PPP1R42: variants seen among roughly 807,000 people sequenced by gnomAD.
PPP1R42 encodes leucine rich repeat containing 67.
Under a neutral mutation model 31.0 loss-of-function variants are expected in PPP1R42, and 34 were observed. That is an observed-to-expected ratio of 1.10 (90% CI 0.83 to 1.46). The LOEUF is 1.46. Among genes scored for constraint, PPP1R42 ranks in the 40% most tolerant of loss-of-function variants. PPP1R42 has a pLI of 0.00. For synonymous variants in PPP1R42, 103 were observed against 109.8 expected (o/e 0.94, Z 0.39); for missense variants, 268 against 303.0 (o/e 0.88, Z 0.86).
chr8:66,980,169 A>T (rs7816294), intron 7 of PPP1R42, among the ~76,000 whole-genome samples: 10 of 152,104 alleles, frequency 6.6e-5, no homozygotes, highest in African/African-American at 2.4e-4. Context: ...ACTGTAATAT[A>T]CTCATGAGTA....
At chr8:66,970,697 C>T in intron 7 of PPP1R42, 1 of 404,242 alleles carries the variant, frequency 2.5e-6, no homozygotes, top group Middle Eastern at 3.9e-4. Flanking sequence ...ACATCTTTAC[C>T]TACTGCCTCT....
chr8:66,970,949 A>T (rs1814522866), intron 7 of PPP1R42: 1 of 1,456,320 alleles, frequency 6.9e-7, no homozygotes, highest in Non-Finnish European at 9.3e-7. Context: ...CACCAAAAAG[A>T]TAAAGTCACA....
intron 6 of PPP1R42, chr8:66,985,732 G>T: frequency 7.7e-7 from 1 of 1,295,382 alleles, no homozygotes; most frequent in Non-Finnish European, 1.1e-6. Context: ...CTGAGGTGTA[G>T]GGGGGCTAAT....
chr8:66,996,817 C>T (rs989385731), intron 5 of PPP1R42, among the ~76,000 whole-genome samples: 1 of 152,058 alleles, frequency 6.6e-6, no homozygotes, highest in Non-Finnish European at 1.5e-5. Context: ...TCCAGTTGTT[C>T]CACCATTTGT....
At chr8:66,990,892 T>G (rs1221784037) in intron 5 of PPP1R42, among the ~76,000 whole-genome samples, 2 of 152,168 alleles carry the variant, frequency 1.3e-5, no homozygotes, top group Admixed American at 6.5e-5. Flanking sequence ...CTTGTCAGGA[T>G]CAATATTGAG....
At chr8:66,982,274 T>C in intron 6 of PPP1R42, 94 bp from the exon 7 acceptor site, 1 of 526,180 alleles carries the variant, frequency 1.9e-6, no homozygotes. Context: ...GAAACTTAAG[T>C]TACACCATAG....
intron 6 of PPP1R42, chr8:66,985,898 T>C (rs1814995096): frequency 1.1e-5 from 10 of 937,276 alleles, no homozygotes; most frequent in Admixed American, 3.9e-5. Context: ...TATTTGCTGC[T>C]TCTTTACTCC....
At chr8:67,002,741 T>G (rs1485832891) in intron 5 of PPP1R42, among the ~76,000 whole-genome samples, 3 of 142,056 alleles carry the variant, frequency 2.1e-5, no homozygotes, top group East Asian at 2.0e-4. Context: ...TTTTTCAGTG[T>G]TTTTTTTTTT....
intron 2 of PPP1R42, among the ~76,000 whole-genome samples, chr8:67,015,598 CTTTTT>C (rs375638249): frequency 7.4e-6 from 1 of 135,472 alleles, no homozygotes; most frequent in Non-Finnish European, 1.6e-5. Flanking sequence ...ACATCAATTA[CTTTTT>C]TTTTTTTTTT....
chr8:66,967,052 C>T (rs927315383), intron 7 of PPP1R42, among the ~76,000 whole-genome samples: 1 of 152,184 alleles, frequency 6.6e-6, no homozygotes, highest in Non-Finnish European at 1.5e-5. Flanking sequence ...TCGCGGCTCA[C>T]TGCAGCCTTA....
At chr8:66,982,917 T>C (rs561437338) in intron 6 of PPP1R42, among the ~76,000 whole-genome samples, 5 of 151,330 alleles carry the variant, frequency 3.3e-5, no homozygotes, top group South Asian at 2.1e-4. Flanking sequence ...GCTAGAACAA[T>C]AGCCATGTGC....
At chr8:67,019,677 G>A (rs1213386249) in intron 1 of PPP1R42, among the ~76,000 whole-genome samples, 1 of 151,696 alleles carries the variant, frequency 6.6e-6, no homozygotes, top group Non-Finnish European at 1.5e-5. Flanking sequence ...CGGATCACAA[G>A]GTCAGGAGAT....
rs1366567925 is a variant in PPP1R42, at chr8:67,020,219, T to G, written c.-84-2388A>C. ...TTGTTGTTGTTGTTGTTGTTTTTTT[T>G]GATATGAAGTCTTGCTCTTGTTGCC... On this transcript the variant is annotated intron_variant, in intron 1 of 7. Coordinates refer to ENST00000685739, the MANE Select transcript of PPP1R42 (RefSeq NM_001364910.1). Among the ~76,000 whole-genome samples the G allele has an allele frequency of 4.6e-5, 7 of 152,272 alleles. No homozygotes were observed. In the South Asian group the frequency reaches 1.2e-3, roughly 27 times the overall value.
chr8:66,983,786 G>A (rs145360779), intron 6 of PPP1R42, among the ~76,000 whole-genome samples: 36 of 152,174 alleles, frequency 2.4e-4, no homozygotes, highest in African/African-American at 8.4e-4. Flanking sequence ...GAATCTAGAA[G>A]TAAAACTGTC....
intron 7 of PPP1R42, among the ~76,000 whole-genome samples, chr8:66,975,835 A>G (rs555044739): frequency 6.6e-6 from 1 of 152,244 alleles, no homozygotes; most frequent in African/African-American, 2.4e-5. Context: ...ATTAGCATAT[A>G]CATCATCTCA....
intron 6 of PPP1R42, 90 bp from the exon 7 acceptor site, chr8:66,982,270 TAA>T (rs1814864523): frequency 1.8e-5 from 10 of 547,382 alleles, no homozygotes; most frequent in Non-Finnish European, 2.9e-5. Flanking sequence ...CACAGAAACT[TAA>T]GTTACACCAT....
intron 6 of PPP1R42, chr8:66,985,748 A>T: frequency 8.0e-7 from 1 of 1,256,246 alleles, no homozygotes; most frequent in Non-Finnish European, 1.2e-6. Flanking sequence ...CTAATGAAGC[A>T]CAGCTGTTTT....
At chr8:67,015,087 C>T (rs1236435086) in intron 2 of PPP1R42, among the ~76,000 whole-genome samples, 3 of 152,160 alleles carry the variant, frequency 2.0e-5, no homozygotes, top group South Asian at 2.1e-4. Context: ...GACGCCATCT[C>T]GGCTCACCAT....
intron 6 of PPP1R42, among the ~76,000 whole-genome samples, chr8:66,983,257 T>G (rs1814901914): frequency 6.6e-6 from 1 of 152,188 alleles, no homozygotes; most frequent in African/African-American, 2.4e-5. Context: ...TGCATCCTGC[T>G]TATTAATATT....
Sources: allele counts gnomAD v4.1 joint callset (sites outside exome capture counted in the v4.1 genomes callset), GRCh38; gene constraint gnomAD v4.1.1; transcripts MANE v1.5; gene names NCBI Gene and HGNC (gene_info 2026-07-23, HGNC 2026-07-21).